MDN1: variants seen among roughly 807,000 people sequenced by gnomAD.
The protein encoded by MDN1 is midasin.
MDN1 carries 266 observed loss-of-function variants against 669.2 expected under a neutral mutation model. The observed-to-expected ratio is 0.40, with a 90% CI of 0.36 to 0.44. MDN1 has a LOEUF of 0.44. Among genes scored for constraint, MDN1 ranks in the 20% least tolerant of loss-of-function variants. The probability of loss-of-function intolerance (pLI) is 1.00; values close to 1 mark genes in which losing one functional copy is unlikely to be tolerated. For synonymous variants in MDN1, 2,385 were observed against 2,457.1 expected (o/e 0.97, Z 0.87); for missense variants, 5,940 against 6,754.0 (o/e 0.88, Z 4.22).
At chr6:89,655,560 AAAGCC>A (rs1342670093) in intron 92 of MDN1, among the ~76,000 whole-genome samples, 199 bp downstream of exon 92, 3 of 152,214 alleles carry the variant, frequency 2.0e-5, no homozygotes, top group Non-Finnish European at 2.9e-5. Context: ...TTATGTTTAC[AAAGCC>A]ATTTCCTCTC....
At chr6:89,791,801 GTC>G (rs1819281188) in intron 5 of MDN1, among the ~76,000 whole-genome samples, 2 of 151,304 alleles carry the variant, frequency 1.3e-5, no homozygotes, top group Admixed American at 6.6e-5. Flanking sequence ...GTGAGACTCT[GTC>G]TCTACAAAAA....
rs1808742419 is a variant in MDN1 at position 89,650,044 on chromosome 6, C to T, written c.16186G>A (p.Val5396Ile). 2 of 1,614,058 alleles carry T rather than the reference C, an allele frequency of 1.2e-6. No homozygotes were observed. The highest frequency in any genetic ancestry group is 2.2e-5 in the East Asian group (1 of 44,864). Residue 5396 changes from valine to isoleucine, a missense_variant, in exon 97 of 102, where the codon GTA becomes ATA. By Grantham distance (29) the Val-to-Ile change is conservative. This residue lies in a region of MDN1 where 2,280 missense variants were observed against 2,576.3 expected (regional missense o/e 0.88). Transcript: ENST00000369393. ...CTTACCTGCTTGGTATGATTGTCTA[C>T]CATACTAGAAGAGTCATCGATAGCC... ...CLAIDDSSSM[V>I]DNHTKQLAFE...
rs1769139652 is a variant in MDN1, at chr6:89,819,773, G to A, written c.-166C>T. 5 of 611,908 alleles carry A rather than the reference G, an allele frequency of 8.2e-6. No homozygotes were observed. The highest frequency in any genetic ancestry group is 5.5e-5 in the African/African-American group (3 of 54,146). The allele number at this position is 611,908 out of a possible 1,614,324, so 37.9% of individuals were successfully genotyped here. A position where few individuals can be genotyped will look rare whatever the true frequency, so the allele number is the denominator to read the frequency against. On this transcript the variant is annotated 5_prime_UTR_variant, in exon 1 of 102. Coordinates refer to ENST00000369393, the MANE Select transcript of MDN1 (RefSeq NM_014611.3). Reference sequence around the variant, plus strand: ...GGAGAGGGGCACCACACGTGGGTGAGCACACGGCGTTTGACGTCATCAGCT... The same window carrying A: ...GGAGAGGGGCACCACACGTGGGTGAACACACGGCGTTTGACGTCATCAGCT...
At chr6:89,747,156 G>A (rs1172676857) in intron 27 of MDN1, among the ~76,000 whole-genome samples, 173 bp downstream of exon 27, 1 of 152,212 alleles carries the variant, frequency 6.6e-6, no homozygotes, top group African/African-American at 2.4e-5. Flanking sequence ...TTAGCATGGA[G>A]GCCTGCAGGA....
Position 89,785,096 on chromosome 6 carries a change from T to C in MDN1, c.1365A>G (p.Arg455=), listed in dbSNP as rs764854207. ...GCAAAGTAGCATGACTGTTTAGCGG[T>C]CGATACCAATTTCCTCCACAGCTCA... is the stretch of plus-strand genomic sequence containing the variant. The part of the protein sequence containing the change: ...RLLSCGGNWY[R]PLNSHATLLD... The change falls in exon 9 of 102, where the codon CGA becomes CGG. Residue 455 remains arginine (R), a synonymous_variant. Coordinates refer to ENST00000369393, the MANE Select transcript of MDN1 (RefSeq NM_014611.3). The C allele has an allele frequency of 2.1e-5, 34 of 1,613,942 alleles. No individual in the cohort carries two copies. The South Asian group carries it at 3.6e-4, about 17-fold the overall frequency.
chr6:89,757,140 G>T (rs922067258), intron 19 of MDN1, among the ~76,000 whole-genome samples: 6 of 152,074 alleles, frequency 3.9e-5, no homozygotes, highest in African/African-American at 1.4e-4. Flanking sequence ...ATCTAATAAA[G>T]TTACTATTTT....
At chr6:89,679,811 T>A (rs966539776) in intron 74 of MDN1, among the ~76,000 whole-genome samples, 3 of 152,182 alleles carry the variant, frequency 2.0e-5, no homozygotes, top group Non-Finnish European at 4.4e-5. Context: ...ACCAAAGACA[T>A]CAGACAGTGT....
chr6:89,656,926 G>GT, intron 90 of MDN1, 125 bp from the exon 91 acceptor site: 1 of 760,382 alleles, frequency 1.3e-6, no homozygotes, highest in Non-Finnish European at 2.1e-6. Flanking sequence ...AATCACTCCT[G>GT]CCTACCTGCC....
At chr6:89,759,528 C>T (rs1817425506) in intron 17 of MDN1, among the ~76,000 whole-genome samples, 1 of 152,180 alleles carries the variant, frequency 6.6e-6, no homozygotes, top group Non-Finnish European at 1.5e-5. Flanking sequence ...CTTTGGGAGG[C>T]TGAGGTGGGC....
At chr6:89,818,813 A>T (rs1292544746) in intron 1 of MDN1, among the ~76,000 whole-genome samples, 2 of 151,998 alleles carry the variant, frequency 1.3e-5, no homozygotes. Flanking sequence ...GTCTCAAAAA[A>T]AAAAAAAAAG....
intron 58 of MDN1, 139 bp from the exon 59 acceptor site, chr6:89,699,174 C>A (rs1812972174): frequency 7.0e-6 from 5 of 710,160 alleles, no homozygotes; most frequent in Non-Finnish European, 1.1e-5. Flanking sequence ...TTCTCTGCCA[C>A]CCCAGTCAAC....
rs1818872365 is a variant in MDN1 at position 89,784,942 on chromosome 6, A to ATACTATT, written c.1449+63_1449+69dup. 6 of 1,009,208 alleles carry ATACTATT rather than the reference A, an allele frequency of 5.9e-6. No individual in the cohort carries two copies. In the East Asian group the frequency reaches 1.5e-4, roughly 25 times the overall value. 62.5% of individuals were successfully genotyped at this position (1,009,208 alleles called of 1,614,324 possible). ...TTGATGAGGGTTCTGGTGGTTTATT[A>ATACTATT]TACTATTTCCTATTTCACGCGGGAG... is the stretch of plus-strand genomic sequence containing the variant. On this transcript the variant is annotated intron_variant, in intron 9 of 101. Transcript: ENST00000369393.
chr6:89,665,770 T>C (rs994423701), intron 84 of MDN1, among the ~76,000 whole-genome samples: 6 of 149,516 alleles, frequency 4.0e-5, no homozygotes, highest in African/African-American at 1.5e-4. Context: ...CCAGGCATGG[T>C]GGTTCACGCC....
intron 73 of MDN1, among the ~76,000 whole-genome samples, chr6:89,682,237 C>T (rs973486239): frequency 2.0e-5 from 3 of 152,242 alleles, no homozygotes; most frequent in Non-Finnish European, 2.9e-5. Flanking sequence ...GCAGCTTCAA[C>T]GGCATATTCT....
intron 29 of MDN1, 110 bp from the exon 30 acceptor site, chr6:89,743,824 T>C: frequency 1.6e-6 from 2 of 1,236,926 alleles, no homozygotes; most frequent in Non-Finnish European, 2.3e-6. Flanking sequence ...ACTGCAGCAG[T>C]AAACAGTGCT....
At position 89,789,827 on chromosome 6, in the gene MDN1, C is replaced by T. The variant is rs1482240859; in HGVS notation, c.1183G>A (p.Gly395Ser). ...PGTLTQAATM[G>S]HWILLEDIDY... ...ATATCCTCCAGAAGGATCCAGTGGC[C>T]CATTGTGGCTGCCTGTGTCAGGGTG... The change falls in exon 7 of 102, where the codon GGC becomes AGC. Residue 395 changes from glycine (G) to serine (S), a missense_variant. Gly to Ser is a moderately conservative substitution (Grantham distance 56, BLOSUM62 0). Transcript: ENST00000369393. 1 of 1,614,056 alleles carries T rather than the reference C, an allele frequency of 6.2e-7. No homozygotes were observed. Among genetic ancestry groups the T allele is most frequent in the Admixed American group, 1.7e-5 (1 of 59,990 alleles).
chr6:89,675,752 T>G, intron 77 of MDN1, 173 bp from the exon 78 acceptor site: 1 of 589,304 alleles, frequency 1.7e-6, no homozygotes, highest in East Asian at 2.9e-5. Flanking sequence ...TCATTGAGAT[T>G]CCATAGACAG....
chr6:89,713,934 G>A (rs1012226167), intron 46 of MDN1, among the ~76,000 whole-genome samples: 5 of 151,578 alleles, frequency 3.3e-5, no homozygotes, highest in Non-Finnish European at 7.4e-5. Flanking sequence ...GCTACTCGGA[G>A]AGGCTGAGGC....
chr6:89,751,493 C>T lies in MDN1; in HGVS notation c.3165G>A (p.Thr1055=), dbSNP rs778528401. ...VGDKEPTIDE[T]YILTSSVKLN... is the part of the protein sequence containing the mutation. ...GCTTCACAGAAGATGTCAGAATGTACGTCTCATCTATTGTAGGCTCCTTGT... is the reference window on the plus strand; with the variant it reads ...GCTTCACAGAAGATGTCAGAATGTATGTCTCATCTATTGTAGGCTCCTTGT... The change falls in exon 23 of 102, where the codon ACG becomes ACA. Residue 1055 remains threonine, a synonymous_variant. Coordinates refer to ENST00000369393, the MANE Select transcript of MDN1 (RefSeq NM_014611.3). 21 of 1,614,020 alleles carry T rather than the reference C, an allele frequency of 1.3e-5. No individual in the cohort carries two copies. Among genetic ancestry groups the T allele is most frequent in the African/African-American group, 2.7e-5 (2 of 74,912 alleles).
Sources: gnomAD v4.1 joint callset for allele counts (sites outside exome capture counted in the v4.1 genomes callset) on GRCh38, gnomAD v4.1.1 for gene constraint, gnomAD v4.1.1 regional missense constraint, MANE v1.5 for transcripts, NCBI Gene and HGNC (gene_info 2026-07-23, HGNC 2026-07-21) for gene names.